The following CHODL variants were observed in gnomAD, a reference collection of about 807,000 sequenced individuals.
CHODL encodes transmembrane protein MT75.
CHODL carries 29 observed loss-of-function variants against 34.5 expected under a neutral mutation model. That is an observed-to-expected ratio of 0.84 (90% CI 0.63 to 1.15). CHODL has a LOEUF of 1.15. Among genes scored for constraint, CHODL ranks in the 50% most tolerant of loss-of-function variants. CHODL has a pLI of 0.00. For synonymous variants in CHODL, 125 were observed against 116.1 expected (o/e 1.08, Z -0.49); for missense variants, 332 against 332.5 (o/e 1.00, Z 0.01).
intron 2 of CHODL, among the ~76,000 whole-genome samples, chr21:18,164,390 C>G (rs1389987443): frequency 6.6e-6 from 1 of 152,166 alleles, no homozygotes; most frequent in African/African-American, 2.4e-5. Context: ...AGGATCTAGA[C>G]CACTCAAAAG....
At chr21:17,925,679 A>C (rs1178095972) in intron 1 of CHODL, among the ~76,000 whole-genome samples, 1 of 152,124 alleles carries the variant, frequency 6.6e-6, no homozygotes, top group African/African-American at 2.4e-5. Flanking sequence ...TAAAAGGATA[A>C]ATTTATTTAT....
intron 1 of CHODL, among the ~76,000 whole-genome samples, chr21:17,981,382 C>T (rs967236578): frequency 5.3e-5 from 8 of 152,114 alleles, no homozygotes; most frequent in African/African-American, 1.2e-4. Flanking sequence ...TCATGGGCAG[C>T]GTTTGTTTCT....
intron 1 of CHODL, among the ~76,000 whole-genome samples, chr21:18,010,297 C>CAAA (rs71189576): frequency 0.028 from 1,053 of 38,228 alleles, 95 homozygotes; most frequent in African/African-American, 0.074. Flanking sequence ...ACTCCCGTCT[C>CAAA]AAAAAAAAAA....
Position 18,162,274 on chromosome 21 carries a change from C to G in CHODL, c.-44-94235C>G, listed in dbSNP as rs571153638. Among the ~76,000 whole-genome samples the G allele has an allele frequency of 6.6e-5, 10 of 152,226 alleles. No individual in the cohort carries two copies. In the East Asian group the frequency reaches 1.9e-3, roughly 29 times the overall value. ...CCCAACATCAAGGTGTTAGCAGAGACAGTTCCTTCTGAGGGCCGTGAGGAA... is the reference window on the plus strand; with the variant it reads ...CCCAACATCAAGGTGTTAGCAGAGAGAGTTCCTTCTGAGGGCCGTGAGGAA... On this transcript the variant is annotated intron_variant, in intron 2 of 6. Coordinates refer to the CHODL transcript ENST00000400127.
At chr21:18,251,425 T>G (rs1216736735) in intron 1 of CHODL, among the ~76,000 whole-genome samples, 1 of 17,720 alleles carries the variant, frequency 5.6e-5, no homozygotes, top group Non-Finnish European at 1.9e-4. Flanking sequence ...TTTATTTTAT[T>G]TATTTATTTT....
intron 2 of CHODL, among the ~76,000 whole-genome samples, chr21:18,123,596 A>C (rs896565110): frequency 6.6e-6 from 1 of 152,134 alleles, no homozygotes; most frequent in Non-Finnish European, 1.5e-5. Context: ...TGGCAGAGAG[A>C]GGAAATGAGG....
At position 17,961,419 on chromosome 21, in the gene CHODL, G is replaced by A. The variant is rs573795932; in HGVS notation, c.-145+44019G>A. 6.6e-5 allele frequency among the ~76,000 whole-genome samples: 10 copies of A among 152,366 alleles called. No individual in the cohort carries two copies. The South Asian group carries it at 1.2e-3, about 19-fold the overall frequency. On this transcript the variant is annotated intron_variant, in intron 1 of 6. Coordinates refer to the CHODL transcript ENST00000400127. ...GTTAGTAGGGACATCTTGCACTGCTGCTTTCCAAGAAGCTGCCAGATGGCT... is the reference window on the plus strand; with the variant it reads ...GTTAGTAGGGACATCTTGCACTGCTACTTTCCAAGAAGCTGCCAGATGGCT...
intron 1 of CHODL, among the ~76,000 whole-genome samples, chr21:17,988,341 G>A (rs2063769795): frequency 6.7e-6 from 1 of 149,550 alleles, no homozygotes; most frequent in Non-Finnish European, 1.5e-5. Context: ...ACAGCTAACT[G>A]GTTTATTGGT....
intron 2 of CHODL, among the ~76,000 whole-genome samples, chr21:18,178,203 A>G (rs2073339774): frequency 6.6e-6 from 1 of 152,154 alleles, no homozygotes; most frequent in Non-Finnish European, 1.5e-5. Flanking sequence ...ACACAAGTTA[A>G]TTATTTTCAT....
intron 2 of CHODL, among the ~76,000 whole-genome samples, chr21:18,140,582 C>G (rs2072788569): frequency 6.6e-6 from 1 of 152,100 alleles, no homozygotes; most frequent in African/African-American, 2.4e-5. Context: ...TAATGGCTCA[C>G]TGTCTGTTCC....
intron 2 of CHODL, among the ~76,000 whole-genome samples, chr21:18,134,829 A>G (rs1337924103): frequency 6.6e-6 from 1 of 152,222 alleles, no homozygotes; most frequent in Non-Finnish European, 1.5e-5. Context: ...AGGATTTAGA[A>G]TGAGAAGTGG....
chr21:18,177,584 T>C (rs1343663696), intron 2 of CHODL, among the ~76,000 whole-genome samples: 2 of 152,130 alleles, frequency 1.3e-5, no homozygotes, highest in South Asian at 2.1e-4. Flanking sequence ...TGACCCAAAA[T>C]TGAAATGCAC....
At chr21:18,165,218 G>A (rs2073138385) in intron 2 of CHODL, among the ~76,000 whole-genome samples, 1 of 152,154 alleles carries the variant, frequency 6.6e-6, no homozygotes, top group African/African-American at 2.4e-5. Flanking sequence ...GAGAACTGCT[G>A]TACTCATACA....
intron 2 of CHODL, among the ~76,000 whole-genome samples, chr21:18,164,035 T>C (rs1225839938): frequency 6.6e-6 from 1 of 152,202 alleles, no homozygotes; most frequent in Non-Finnish European, 1.5e-5. Flanking sequence ...AATTACCAAA[T>C]GCATTAAACT....
chr21:18,055,924 CTCTCTT>C (rs751505981), intron 2 of CHODL, among the ~76,000 whole-genome samples: 5 of 151,896 alleles, frequency 3.3e-5, no homozygotes, highest in Admixed American at 1.3e-4. Context: ...GATGATATCT[CTCTCTT>C]TCTGTCTCTT....
At chr21:17,970,961 C>A (rs2063609601) in intron 1 of CHODL, among the ~76,000 whole-genome samples, 1 of 152,068 alleles carries the variant, frequency 6.6e-6, no homozygotes, top group African/African-American at 2.4e-5. Context: ...TCAATTCCCA[C>A]TTATGAGTGA....
At chr21:17,955,255 A>T (rs754596635) in intron 1 of CHODL, among the ~76,000 whole-genome samples, 1 of 137,746 alleles carries the variant, frequency 7.3e-6, no homozygotes, top group Non-Finnish European at 1.7e-5. Context: ...ATTAAATATT[A>T]TCCTGGAGAT....
intron 1 of CHODL, among the ~76,000 whole-genome samples, chr21:18,252,170 C>G (rs2074265027): frequency 6.6e-6 from 1 of 152,076 alleles, no homozygotes; most frequent in African/African-American, 2.4e-5. Context: ...TCTTCAATTG[C>G]AGATGCTAGT....
At chr21:18,071,832 C>T (rs1365127375) in intron 2 of CHODL, among the ~76,000 whole-genome samples, 2 of 152,038 alleles carry the variant, frequency 1.3e-5, no homozygotes, top group African/African-American at 4.8e-5. Context: ...TTTACACTTA[C>T]CAATACATAC....
Sources: gnomAD v4.1 joint callset for allele counts (sites outside exome capture counted in the v4.1 genomes callset) on GRCh38, gnomAD v4.1.1 for gene constraint, MANE v1.5 for transcripts, NCBI Gene and HGNC (gene_info 2026-07-23, HGNC 2026-07-21) for gene names.